Variants in HEMK2 observed in about 807,000 individuals in gnomAD.
The protein encoded by HEMK2 is HemK methyltransferase 2, ETF1 glutamine and histone H4 lysine, also known as methyltransferase HEMK2.
the HEMK2 span, chr21:28,878,044 T>C: frequency 3.3e-6 from 2 of 611,844 alleles, no homozygotes; most frequent in African/African-American, 1.9e-5. Context: ...TCAACATAAA[T>C]TTATGCCTGT....
At chr21:28,814,568 A>G in the HEMK2 span, among the ~76,000 whole-genome samples, 1 of 152,012 alleles carries the variant, frequency 6.6e-6, no homozygotes, top group Admixed American at 6.5e-5. Context: ...AAAGTGGGCG[A>G]AGGATATGAA....
chr21:28,877,660 G>C, the HEMK2 span, among the ~76,000 whole-genome samples: 1 of 151,958 alleles, frequency 6.6e-6, no homozygotes, highest in Non-Finnish European at 1.5e-5. Flanking sequence ...AAAGACAAGA[G>C]AAAACTAGCA....
At chr21:28,785,599 T>C in the HEMK2 span, among the ~76,000 whole-genome samples, 22 of 152,338 alleles carry the variant, frequency 1.4e-4, no homozygotes, top group Admixed American at 3.3e-4. Context: ...AAGAAGAGGA[T>C]TGAAAAGGTG....
the HEMK2 span, among the ~76,000 whole-genome samples, chr21:28,671,610 G>T: frequency 6.6e-6 from 1 of 152,154 alleles, no homozygotes; most frequent in East Asian, 1.9e-4. Context: ...GTAGGAGTGG[G>T]GTGGGCAAAT....
At chr21:28,757,104 T>A in the HEMK2 span, among the ~76,000 whole-genome samples, 2 of 152,206 alleles carry the variant, frequency 1.3e-5, no homozygotes, top group Non-Finnish European at 2.9e-5. Context: ...TTTTCTATAG[T>A]AAAGATGCTA....
At chr21:28,607,842 T>A in the HEMK2 span, among the ~76,000 whole-genome samples, 3 of 152,180 alleles carry the variant, frequency 2.0e-5, no homozygotes, top group East Asian at 5.8e-4. Flanking sequence ...GGAAGAAATA[T>A]TGCAAACATT....
At chr21:28,621,804 A>C in the HEMK2 span, among the ~76,000 whole-genome samples, 1 of 152,174 alleles carries the variant, frequency 6.6e-6, no homozygotes, top group African/African-American at 2.4e-5. Context: ...GGCTGTTTTC[A>C]CTTTTTTTGT....
the HEMK2 span, among the ~76,000 whole-genome samples, chr21:28,712,389 T>G: frequency 1.3e-5 from 2 of 152,200 alleles, no homozygotes; most frequent in African/African-American, 4.8e-5. Flanking sequence ...TTGGAGAACT[T>G]GTTGATCTAG....
At chr21:28,689,272 A>G in the HEMK2 span, among the ~76,000 whole-genome samples, 3 of 152,218 alleles carry the variant, frequency 2.0e-5, no homozygotes, top group African/African-American at 7.2e-5. Flanking sequence ...CAAATTGTAG[A>G]TGTTAAGACA....
At chr21:28,719,463 G>A in the HEMK2 span, among the ~76,000 whole-genome samples, 2 of 152,172 alleles carry the variant, frequency 1.3e-5, no homozygotes, top group Non-Finnish European at 2.9e-5. Flanking sequence ...ACTCTTGCCT[G>A]CCACCATATA....
the HEMK2 span, among the ~76,000 whole-genome samples, chr21:28,610,026 C>CTAGA: frequency 1.3e-5 from 2 of 152,152 alleles, no homozygotes; most frequent in Non-Finnish European, 2.9e-5. Context: ...TACTGGCGAT[C>CTAGA]TAGACATCCA....
At chr21:28,621,095 G>A in the HEMK2 span, among the ~76,000 whole-genome samples, 1 of 151,836 alleles carries the variant, frequency 6.6e-6, no homozygotes, top group Admixed American at 6.6e-5. Flanking sequence ...GTTATTTCTT[G>A]TCTTCTGCTA....
chr21:28,792,116 C>T, the HEMK2 span, among the ~76,000 whole-genome samples: 2 of 152,034 alleles, frequency 1.3e-5, no homozygotes, highest in Non-Finnish European at 2.9e-5. Flanking sequence ...CTGGAAATTA[C>T]CCTATATGGT....
At chr21:28,713,854 G>C in the HEMK2 span, among the ~76,000 whole-genome samples, 79,962 of 152,058 alleles carry the variant, frequency 0.53, 22,816 homozygotes, top group East Asian at 0.84. Flanking sequence ...CCTTGCCTCA[G>C]GTATATGGTT....
the HEMK2 span, among the ~76,000 whole-genome samples, chr21:28,698,318 A>T: frequency 6.6e-6 from 1 of 152,104 alleles, no homozygotes; most frequent in African/African-American, 2.4e-5. Flanking sequence ...TTTTCTCATA[A>T]ACTGGAGAGC....
At chr21:28,780,791 G>A in the HEMK2 span, among the ~76,000 whole-genome samples, 3 of 152,172 alleles carry the variant, frequency 2.0e-5, no homozygotes, top group African/African-American at 7.2e-5. Context: ...AGCCATTACA[G>A]TTCTTCTGCA....
At chr21:28,883,896 T>C in the HEMK2 span, among the ~76,000 whole-genome samples, 3 of 152,148 alleles carry the variant, frequency 2.0e-5, no homozygotes, top group Non-Finnish European at 4.4e-5. Flanking sequence ...CCCTCTATAA[T>C]GTTATACATG....
chr21:28,606,623 C>T, the HEMK2 span, among the ~76,000 whole-genome samples: 1 of 152,166 alleles, frequency 6.6e-6, no homozygotes, highest in South Asian at 2.1e-4. Flanking sequence ...TTTATTAACT[C>T]ATGGTCTGTA....
chr21:28,715,699 T>C, the HEMK2 span, among the ~76,000 whole-genome samples: 5 of 152,164 alleles, frequency 3.3e-5, no homozygotes, highest in African/African-American at 1.2e-4. Flanking sequence ...GAAAACTTAG[T>C]CATAAACTCT....
Sources: allele counts gnomAD v4.1 joint callset (sites outside exome capture counted in the v4.1 genomes callset), GRCh38; gene constraint gnomAD v4.1.1; transcripts MANE v1.5; gene names NCBI Gene and HGNC (gene_info 2026-07-23, HGNC 2026-07-21).